The following CDH12 variants were observed in gnomAD, a reference collection of about 807,000 sequenced individuals.
The protein encoded by CDH12 is cadherin 12, also known as cadherin-12.
A neutral mutation model predicts 74.1 loss-of-function variants in CDH12; 41 were observed. That is an observed-to-expected ratio of 0.55 (90% CI 0.43 to 0.72). The LOEUF (loss-of-function observed/expected upper bound fraction) is 0.72, where lower values mean the gene tolerates loss of function less well. CDH12 is among the 30% of genes least tolerant of loss of function. The probability of loss-of-function intolerance (pLI) is 0.00; values close to 1 mark genes in which losing one functional copy is unlikely to be tolerated. For missense variants in CDH12, 945 were observed against 977.2 expected (o/e 0.97, Z 0.44); for synonymous variants, 399 against 355.0 (o/e 1.12, Z -1.39).
intron 11 of CDH12, among the ~76,000 whole-genome samples, chr5:21,779,704 G>A (rs988205557): frequency 2.0e-5 from 3 of 152,100 alleles, no homozygotes; most frequent in East Asian, 1.9e-4. Flanking sequence ...TTGCAATAAG[G>A]TATACTTAAG....
intron 3 of CDH12, among the ~76,000 whole-genome samples, chr5:22,245,947 T>C (rs1011742421): frequency 2.0e-5 from 3 of 152,120 alleles, no homozygotes; most frequent in South Asian, 2.1e-4. Flanking sequence ...ATGATGAATA[T>C]GCAACTTCCC....
chr5:22,475,769 T>A (rs1746140048), intron 2 of CDH12, among the ~76,000 whole-genome samples: 1 of 152,044 alleles, frequency 6.6e-6, no homozygotes, highest in African/African-American at 2.4e-5. Flanking sequence ...AAGAAATCAG[T>A]AACTTTAATC....
At chr5:22,228,662 C>A (rs1752277315) in intron 3 of CDH12, among the ~76,000 whole-genome samples, 1 of 152,068 alleles carries the variant, frequency 6.6e-6, no homozygotes, top group Non-Finnish European at 1.5e-5. Context: ...CTGAGGAATT[C>A]TGTTCTGCTC....
At chr5:22,504,006 G>T (rs1367163738) in intron 2 of CDH12, among the ~76,000 whole-genome samples, 1 of 151,898 alleles carries the variant, frequency 6.6e-6, no homozygotes, top group African/African-American at 2.4e-5. Flanking sequence ...ATAAATAAAA[G>T]ATCTGGACTG....
intron 4 of CDH12, among the ~76,000 whole-genome samples, chr5:22,207,093 C>T (rs1424682167): frequency 1.3e-5 from 2 of 151,482 alleles, no homozygotes; most frequent in African/African-American, 2.4e-5. Context: ...GTGGCAGGCG[C>T]CTGTAGTCCC....
intron 1 of CDH12, among the ~76,000 whole-genome samples, chr5:22,751,825 T>C (rs573057504): frequency 3.3e-5 from 5 of 152,344 alleles, no homozygotes; most frequent in Admixed American, 2.6e-4. Context: ...ACCATACATA[T>C]TTATCATGTG....
intron 6 of CDH12, among the ~76,000 whole-genome samples, chr5:21,879,658 T>C (rs6890054): frequency 0.035 from 5,300 of 152,272 alleles, 294 homozygotes; most frequent in African/African-American, 0.11. Context: ...TTTTTATGTA[T>C]AGTATTTTTT....
chr5:22,117,458 TTATATATATAATATATATATTA>T (rs1247109486), intron 4 of CDH12, among the ~76,000 whole-genome samples: 6 of 75,496 alleles, frequency 7.9e-5, no homozygotes, highest in East Asian at 4.0e-4. Context: ...AATATATATA[TTATATATATAATATATATATTA>T]TATATATATT....
At chr5:22,603,705 T>C (rs1032330186) in intron 1 of CDH12, among the ~76,000 whole-genome samples, 1 of 152,144 alleles carries the variant, frequency 6.6e-6, no homozygotes, top group Non-Finnish European at 1.5e-5. Context: ...AGAACGGACC[T>C]TGTGGTTTAC....
At chr5:22,636,876 C>T (rs539697993) in intron 1 of CDH12, among the ~76,000 whole-genome samples, 2 of 152,290 alleles carry the variant, frequency 1.3e-5, no homozygotes, top group African/African-American at 2.4e-5. Context: ...TGCAGTGGTA[C>T]TCTGTGGAAC....
At chr5:22,436,914 C>G (rs939537749) in intron 2 of CDH12, among the ~76,000 whole-genome samples, 3 of 151,902 alleles carry the variant, frequency 2.0e-5, no homozygotes, top group African/African-American at 7.3e-5. Flanking sequence ...TGTGCATGTA[C>G]AACTACAAGT....
At chr5:22,638,738 G>T (rs1002410979) in intron 1 of CDH12, 6 of 152,184 alleles carry the variant, frequency 3.9e-5, no homozygotes, top group African/African-American at 9.7e-5. Context: ...ACAAGGACAG[G>T]CTGTGAGCAC....
At chr5:22,200,273 T>C (rs1398280006) in intron 4 of CDH12, among the ~76,000 whole-genome samples, 2 of 152,212 alleles carry the variant, frequency 1.3e-5, no homozygotes, top group African/African-American at 2.4e-5. Flanking sequence ...TTGTTTGTTC[T>C]ACCAATTACA....
intron 1 of CDH12, among the ~76,000 whole-genome samples, chr5:22,660,311 T>C (rs2126896755): frequency 6.6e-6 from 1 of 152,352 alleles, no homozygotes; most frequent in Non-Finnish European, 1.5e-5. Context: ...TAGTTATGAC[T>C]ATGCATTGGT....
At chr5:21,869,999 A>G (rs1442636749) in intron 6 of CDH12, among the ~76,000 whole-genome samples, 1 of 152,078 alleles carries the variant, frequency 6.6e-6, no homozygotes, top group Non-Finnish European at 1.5e-5. Context: ...TTTCTCCCAT[A>G]ATGTTCTTCT....
intron 1 of CDH12, among the ~76,000 whole-genome samples, chr5:22,558,359 G>T (rs1280982901): frequency 6.6e-6 from 1 of 152,106 alleles, no homozygotes; most frequent in Non-Finnish European, 1.5e-5. Flanking sequence ...AGAAGAGGTT[G>T]TTGGGTGGTT....
chr5:22,315,415 TATAA>T (rs1245120144), intron 3 of CDH12, among the ~76,000 whole-genome samples: 3 of 152,116 alleles, frequency 2.0e-5, no homozygotes, highest in Non-Finnish European at 4.4e-5. Context: ...TATTCATTTC[TATAA>T]ATAAGAAACG....
chr5:22,158,974 T>C (rs1748176865), intron 4 of CDH12, among the ~76,000 whole-genome samples: 1 of 152,154 alleles, frequency 6.6e-6, no homozygotes, highest in African/African-American at 2.4e-5. Flanking sequence ...AAAATAAAAC[T>C]TCGTTACTTA....
chr5:22,045,010 A>G (rs1459320057), intron 5 of CDH12, among the ~76,000 whole-genome samples: 1 of 152,212 alleles, frequency 6.6e-6, no homozygotes, highest in Non-Finnish European at 1.5e-5. Context: ...AGAATGGGAA[A>G]AAATATTTGT....
Sources: gnomAD v4.1 joint callset for allele counts (sites outside exome capture counted in the v4.1 genomes callset) on GRCh38, gnomAD v4.1.1 for gene constraint, MANE v1.5 for transcripts, NCBI Gene and HGNC (gene_info 2026-07-23, HGNC 2026-07-21) for gene names.